Variants in BSN observed in about 807,000 individuals in gnomAD.
BSN encodes the protein protein bassoon.
Under a neutral mutation model 264.8 loss-of-function variants are expected in BSN, and 57 were observed. The ratio of observed to expected loss-of-function variants is 0.22; its 90% confidence interval spans 0.17 to 0.27. BSN has a LOEUF of 0.27. BSN is among the 10% of genes least tolerant of loss of function. The probability of loss-of-function intolerance (pLI) is 1.00; values close to 1 mark genes in which losing one functional copy is unlikely to be tolerated. For missense variants in BSN, 4,615 were observed against 5,232.5 expected (o/e 0.88, Z 3.64); for synonymous variants, 2,059 against 2,137.3 (o/e 0.96, Z 1.01).
At position 49,669,390 on chromosome 3, in the gene BSN, T is replaced by G. The variant is rs938359658; in HGVS notation, c.*1905T>G. The G allele has an allele frequency of 6.5e-6, 1 of 152,692 alleles. No homozygotes were observed. Among genetic ancestry groups the G allele is most frequent in the Non-Finnish European group, 1.5e-5 (1 of 68,088 alleles). The allele number at this position is 152,692 out of a possible 1,614,324, so 9.5% of individuals were successfully genotyped here. The stretch of plus-strand genomic sequence containing the variant: ...GTGTATGGACATTCTGAAGGTTTGC[T>G]GTAGGATATCTGTCTGTCTGTCATT... On this transcript the variant is annotated 3_prime_UTR_variant, in exon 12 of 12. Transcript: ENST00000296452.
intron 1 of BSN, among the ~76,000 whole-genome samples, chr3:49,562,255 C>T (rs978652031): frequency 6.6e-6 from 1 of 152,136 alleles, no homozygotes; most frequent in African/African-American, 2.4e-5. Flanking sequence ...AGAAATGGAA[C>T]AATTTTAAAG....
At chr3:49,582,873 A>G (rs922837384) in intron 1 of BSN, among the ~76,000 whole-genome samples, 5 of 152,102 alleles carry the variant, frequency 3.3e-5, no homozygotes, top group Non-Finnish European at 4.4e-5. Context: ...ACTTTTGTCA[A>G]ATGCTTTTTC....
chr3:49,662,012 C>T lies in BSN; in HGVS notation c.10167C>T (p.Pro3389=), dbSNP rs774751141. Residue 3389 remains proline (P), a synonymous_variant, in exon 6 of 12, where the codon CCC becomes CCT. Transcript: ENST00000296452. ...TAGAGTCAGACCTGGCGTCCTACCC[C>T]CCACCTGCAGTCAGCAGCAGCCTGG... ...KDVESDLASY[P]PPAVSSSLVS... is the part of the protein sequence containing the mutation. 1.2e-6 allele frequency: 2 copies of T among 1,613,882 alleles called. No individual in the cohort carries two copies. The highest frequency in any genetic ancestry group is 1.7e-6 in the Non-Finnish European group (2 of 1,180,032).
chr3:49,661,251 G>A lies in BSN; in HGVS notation c.9406G>A (p.Ala3136Thr), dbSNP rs373736181. 109 of 1,613,576 alleles carry A rather than the reference G, an allele frequency of 6.8e-5. No individual in the cohort carries two copies. Among genetic ancestry groups the A allele is most frequent in the Non-Finnish European group, 8.2e-5 (97 of 1,180,048 alleles). The change falls in exon 6 of 12, where the codon GCT becomes ACT. Residue 3136 changes from alanine (A) to threonine (T), a missense_variant. By Grantham distance (58) the Ala-to-Thr change is moderately conservative. Around this residue, in one of 3 missense-constraint regions of BSN, gnomAD observed 3,415 missense variants for 3,866.4 expected, o/e 0.88. Coordinates refer to ENST00000296452, the MANE Select transcript of BSN (RefSeq NM_003458.4). ...ACAGAGCACCCTTTTTCCAGTCCCC[G>A]CTGATAGCCGTGCCCCACTGCAGAA... is the stretch of plus-strand genomic sequence containing the variant. ...TTQSTLFPVP[A>T]DSRAPLQKPR...
chr3:49,661,582 C>T lies in BSN; in HGVS notation c.9737C>T (p.Ser3246Phe). The change falls in exon 6 of 12, where the codon TCT becomes TTT. Residue 3246 changes from serine to phenylalanine, a missense_variant. Ser to Phe is a radical substitution (Grantham distance 155). Transcript: ENST00000296452. Reference protein sequence around the residue: ...DISELTKDSTSTAPDSQRLEP... With the variant: ...DISELTKDSTFTAPDSQRLEP... ...AGTGAACTGACCAAGGACAGCACCT[C>T]TACTGCTCCTGATAGCCAACGGCTG... 1 of 1,613,932 alleles carries T rather than the reference C, an allele frequency of 6.2e-7. No individual in the cohort carries two copies. Among genetic ancestry groups the T allele is most frequent in the Non-Finnish European group, 8.5e-7 (1 of 1,180,052 alleles).
intron 1 of BSN, among the ~76,000 whole-genome samples, chr3:49,567,126 A>T (rs1393723978): frequency 6.6e-6 from 1 of 152,126 alleles, no homozygotes; most frequent in Non-Finnish European, 1.5e-5. Flanking sequence ...ATTGTTTTTA[A>T]ATAATAATGT....
chr3:49,661,386 A>G lies in BSN; in HGVS notation c.9541A>G (p.Ser3181Gly), dbSNP rs760419883. The stretch of plus-strand genomic sequence containing the variant: ...TTCAGCCCCATCTGAAACCAGCTAC[A>G]GTGGCCCAGCAGTGAGCAGCGGCTA... The part of the protein sequence containing the change: ...MSSAPSETSY[S>G]GPAVSSGYEQ... The change falls in exon 6 of 12, where the codon AGT (serine) becomes GGT (glycine). Residue 3181 changes from serine to glycine, a missense_variant. Physicochemically the swap from Ser to Gly is moderately conservative, Grantham distance 56 (BLOSUM62 0). This residue lies in a region of BSN where 3,415 missense variants were observed against 3,866.4 expected (regional missense o/e 0.88). Transcript: ENST00000296452. 8 of 1,613,842 alleles carry G rather than the reference A, an allele frequency of 5.0e-6. No individual in the cohort carries two copies. Among genetic ancestry groups the G allele is most frequent in the Non-Finnish European group, 6.8e-6 (8 of 1,180,042 alleles).
Position 49,660,062 on chromosome 3 carries a change from A to C in BSN, c.8641-424A>C, listed in dbSNP as rs2052640276. On this transcript the variant is annotated intron_variant, in intron 5 of 11. Transcript: ENST00000296452. The surrounding 1 kb of genome is among the most constrained non-coding windows in gnomAD (Gnocchi z 7.1). ...CCTCTCCACTCCATGCCTCCTGTTC[A>C]TACTCCACTGATCTCAACCCCTGTC... 6.6e-6 allele frequency among the ~76,000 whole-genome samples: 1 copy of C among 152,108 alleles called. No individual in the cohort carries two copies. Among genetic ancestry groups the C allele is most frequent in the African/African-American group, 2.4e-5 (1 of 41,392 alleles).
chr3:49,597,457 G>A (rs1034738746), intron 1 of BSN, among the ~76,000 whole-genome samples: 3 of 152,162 alleles, frequency 2.0e-5, no homozygotes, highest in Non-Finnish European at 2.9e-5. Context: ...CCACCTGCCA[G>A]TAGCTGGGAC....
chr3:49,657,198 G>T lies in BSN; in HGVS notation c.7642G>T (p.Ala2548Ser). ...MSLQTEEQWE[A>S]SRSGIKKRHS... is the part of the protein sequence containing the mutation. ...ACTGCAAACGGAGGAGCAGTGGGAG[G>T]CCAGCCGTAGTGGCATCAAGAAGCG... is the stretch of plus-strand genomic sequence containing the variant. Residue 2548 changes from alanine to serine, a missense_variant, in exon 5 of 12, where the codon GCC becomes TCC. Physicochemically the swap from Ala to Ser is moderately conservative, Grantham distance 99. This residue lies in a region of BSN where 3,415 missense variants were observed against 3,866.4 expected (regional missense o/e 0.88). Coordinates refer to ENST00000296452, the MANE Select transcript of BSN (RefSeq NM_003458.4). 6.2e-7 allele frequency: 1 copy of T among 1,613,242 alleles called. No individual in the cohort carries two copies. Among genetic ancestry groups the T allele is most frequent in the Non-Finnish European group, 8.5e-7 (1 of 1,180,026 alleles).
Position 49,654,288 on chromosome 3 carries a change from A to T in BSN, c.4732A>T (p.Thr1578Ser). ...CAGGATGGTACATGCCAGTGCCTCC[A>T]CCTCCCCGCTCTGCTCACCTACTGA... ...QTRMVHASASTSPLCSPTETQ... is the reference protein window; with the variant it reads ...QTRMVHASASSSPLCSPTETQ... The change falls in exon 5 of 12, where the codon ACC becomes TCC. Residue 1578 changes from threonine to serine, a missense_variant. Physicochemically the swap from Thr to Ser is moderately conservative, Grantham distance 58. Coordinates refer to ENST00000296452, the MANE Select transcript of BSN (RefSeq NM_003458.4). The surrounding 1 kb of genome is among the most constrained non-coding windows in gnomAD (Gnocchi z 4.1). 1 of 1,612,042 alleles carries T rather than the reference A, an allele frequency of 6.2e-7. No individual in the cohort carries two copies. The highest frequency in any genetic ancestry group is 8.5e-7 in the Non-Finnish European group (1 of 1,179,524).
chr3:49,642,122 C>T lies in BSN; in HGVS notation c.634-146C>T, dbSNP rs2052468530. The T allele has an allele frequency of 3.4e-6, 2 of 594,340 alleles. No homozygotes were observed. The highest frequency in any genetic ancestry group is 3.4e-5 in the East Asian group (1 of 29,558). The allele number at this position is 594,340 out of a possible 1,614,324, so 36.8% of individuals were successfully genotyped here. A position where few individuals can be genotyped will look rare whatever the true frequency, so the allele number is the denominator to read the frequency against. ...TGCCATCTGTCCTTCAGCCCTGCCA[C>T]CTGGCAGCCCAGAAATGCCTGAGCA... On this transcript the variant is annotated intron_variant, in intron 2 of 11. Transcript: ENST00000296452. The surrounding 1 kb of genome is among the most constrained non-coding windows in gnomAD (Gnocchi z 7.0).
intron 1 of BSN, among the ~76,000 whole-genome samples, chr3:49,576,544 C>T (rs1051577416): frequency 1.3e-5 from 2 of 151,874 alleles, no homozygotes; most frequent in African/African-American, 4.8e-5. Flanking sequence ...CCTCAGCCTC[C>T]CAAGTAGCTA....
At chr3:49,610,097 A>G (rs548413724) in intron 1 of BSN, among the ~76,000 whole-genome samples, 1 of 152,132 alleles carries the variant, frequency 6.6e-6, no homozygotes. Context: ...CCTCTTCCCC[A>G]TGGCTTCCTC....
intron 1 of BSN, among the ~76,000 whole-genome samples, chr3:49,557,379 G>A (rs141043471): frequency 6.4e-4 from 98 of 152,236 alleles, no homozygotes; most frequent in Non-Finnish European, 1.2e-3. Context: ...TATTTATGGA[G>A]ATATGCCTAA....
intron 1 of BSN, among the ~76,000 whole-genome samples, chr3:49,599,402 G>C (rs2108031211): frequency 6.6e-6 from 1 of 152,282 alleles, no homozygotes; most frequent in South Asian, 2.1e-4. Flanking sequence ...TGGATGTTGA[G>C]AAACCTGGAG....
intron 1 of BSN, among the ~76,000 whole-genome samples, chr3:49,622,635 A>G (rs1386726658): frequency 6.6e-6 from 1 of 152,254 alleles, no homozygotes; most frequent in East Asian, 1.9e-4. Context: ...CACATGTTGT[A>G]AAAAGCTCTC....
Position 49,663,039 on chromosome 3 carries a change from C to G in BSN, c.10881C>G (p.Gly3627=), listed in dbSNP as rs781748509. 3 of 1,613,586 alleles carry G rather than the reference C, an allele frequency of 1.9e-6. No homozygotes were observed. Among genetic ancestry groups the G allele is most frequent in the Non-Finnish European group, 2.5e-6 (3 of 1,180,026 alleles). ...YHDYDEPPEE[G]LWPHDEGGPG... ...ACTACGATGAACCCCCTGAGGAGGG[C>G]CTGTGGCCTCATGATGAGGGTGGCC... The change falls in exon 7 of 12, where the codon GGC becomes GGG. Residue 3627 remains glycine (G), a synonymous_variant. Transcript: ENST00000296452.
In BSN at chr3:49,671,153, CGTGCGTGTGTGTGT is replaced by C. The variant is rs954930009; in HGVS notation, c.*3672_*3685del. On this transcript the variant is annotated 3_prime_UTR_variant, in exon 12 of 12. Coordinates refer to ENST00000296452, the MANE Select transcript of BSN (RefSeq NM_003458.4). This position sits in a 1 kb window ranked among gnomAD's most constrained non-coding sequence, Gnocchi z 4.1. ...GATCATGTGTGTATGTGCGTGCGTGCGTGCGTGTGTGTGTGTGTGTGTGTTTCTGCCTCATTCAG... is the reference window on the plus strand; with the variant it reads ...GATCATGTGTGTATGTGCGTGCGTGCGTGTGTGTGTTTCTGCCTCATTCAG... The C allele has an allele frequency of 3.9e-5, 2 of 51,572 alleles. No individual in the cohort carries two copies. Among genetic ancestry groups the C allele is most frequent in the African/African-American group, 1.0e-4 (2 of 19,428 alleles). The allele number at this position is 51,572 out of a possible 1,614,324, so 3.2% of individuals were successfully genotyped here. A position where few individuals can be genotyped will look rare whatever the true frequency, so the allele number is the denominator to read the frequency against.
Sources: gnomAD v4.1 joint callset for allele counts (sites outside exome capture counted in the v4.1 genomes callset) on GRCh38, gnomAD v4.1.1 for gene constraint, gnomAD v4.1.1 regional missense constraint, Gnocchi (gnomAD v3.1) non-coding constraint, MANE v1.5 for transcripts, NCBI Gene and HGNC (gene_info 2026-07-23, HGNC 2026-07-21) for gene names.